ALK: variants seen among roughly 807,000 people sequenced by gnomAD.
ALK encodes ALK tyrosine kinase receptor.
In ALK, 74 loss-of-function variants were observed where a neutral mutation model predicts 163.1. That is an observed-to-expected ratio of 0.45 (90% CI 0.38 to 0.55). The LOEUF (loss-of-function observed/expected upper bound fraction) is 0.55. Ranked by LOEUF, ALK falls within the 20% of genes least tolerant of loss-of-function variation. ALK has a pLI of 0.00. For missense variants in ALK, 2,063 were observed against 2,105.3 expected (o/e 0.98, Z 0.39); for synonymous variants, 960 against 843.2 (o/e 1.14, Z -2.40).
intron 1 of ALK, among the ~76,000 whole-genome samples, chr2:29,882,645 G>T (rs985350838): frequency 6.6e-6 from 1 of 152,188 alleles, no homozygotes; most frequent in African/African-American, 2.4e-5. Flanking sequence ...AGGGAGCCGA[G>T]ATTGCGCCAC....
chr2:29,715,277 T>C (rs537956060), intron 2 of ALK, among the ~76,000 whole-genome samples: 1 of 152,236 alleles, frequency 6.6e-6, no homozygotes, highest in South Asian at 2.1e-4. Flanking sequence ...ACGATGGTGA[T>C]GACTTGGGTA....
At chr2:29,319,144 A>T (rs1666928171) in intron 7 of ALK, 1 of 152,250 alleles carries the variant, frequency 6.6e-6, no homozygotes, top group African/African-American at 2.4e-5. Flanking sequence ...TCTGCCTGAA[A>T]ATCTGGGAGA....
chr2:29,413,631 A>T (rs1485216478), intron 4 of ALK, among the ~76,000 whole-genome samples: 2 of 152,140 alleles, frequency 1.3e-5, no homozygotes, highest in African/African-American at 4.8e-5. Context: ...TCCCAGGTTC[A>T]AGCAAGTCTC....
intron 3 of ALK, among the ~76,000 whole-genome samples, chr2:29,639,354 A>C (rs984049710): frequency 6.6e-6 from 1 of 152,178 alleles, no homozygotes; most frequent in Non-Finnish European, 1.5e-5. Flanking sequence ...CCATGTCAGC[A>C]GGGCTCCTTC....
intron 3 of ALK, among the ~76,000 whole-genome samples, chr2:29,597,280 C>T (rs754911878): frequency 1.3e-5 from 2 of 152,216 alleles, no homozygotes; most frequent in Non-Finnish European, 2.9e-5. Context: ...CCTCACAAAT[C>T]AGGCTTCTCT....
At chr2:29,550,821 G>T (rs1430098539) in intron 3 of ALK, among the ~76,000 whole-genome samples, 1 of 151,772 alleles carries the variant, frequency 6.6e-6, no homozygotes, top group Non-Finnish European at 1.5e-5. Context: ...ATTCCATTTT[G>T]GTTTTTTATT....
Position 29,831,293 on chromosome 2 carries a change from G to T in ALK, c.667+88700C>A, listed in dbSNP as rs1260755423. ...AGAAGAAGAAGAAGAAGAAGAAGAAGAAGAAGAAGAAGAAGAAGAAGAAGA... is the reference window on the plus strand; with the variant it reads ...AGAAGAAGAAGAAGAAGAAGAAGAATAAGAAGAAGAAGAAGAAGAAGAAGA... On this transcript the variant is annotated intron_variant, in intron 1 of 28. Coordinates refer to ENST00000389048, the MANE Select transcript of ALK (RefSeq NM_004304.5). 3.5e-5 allele frequency among the ~76,000 whole-genome samples: 5 copies of T among 141,638 alleles called. 1 individual carries two copies. Among genetic ancestry groups the T allele is most frequent in the African/African-American group, 1.3e-4 (5 of 38,696 alleles). 92.9% of individuals were successfully genotyped at this position (141,638 alleles called of 152,430 possible).
intron 4 of ALK, among the ~76,000 whole-genome samples, chr2:29,448,093 C>T (rs192446337): frequency 2.0e-5 from 3 of 152,270 alleles, no homozygotes; most frequent in East Asian, 1.9e-4. Flanking sequence ...TTTCCTGTGG[C>T]GCTTGCTAAA....
At chr2:29,348,556 G>T (rs1229321979) in intron 5 of ALK, among the ~76,000 whole-genome samples, 1 of 152,216 alleles carries the variant, frequency 6.6e-6, no homozygotes, top group African/African-American at 2.4e-5. Context: ...GGCCATTTCA[G>T]TTAGCTAGTG....
chr2:29,467,402 C>T (rs1671239683), intron 4 of ALK, among the ~76,000 whole-genome samples: 1 of 152,200 alleles, frequency 6.6e-6, no homozygotes, highest in Non-Finnish European at 1.5e-5. Context: ...GCCCTCAGAG[C>T]CTGAAGCCTA....
chr2:29,198,029 G>A lies in ALK; in HGVS notation c.3939-353C>T, dbSNP rs1469265333. Among the ~76,000 whole-genome samples, 3 of 152,116 alleles carry A rather than the reference G, an allele frequency of 2.0e-5. No homozygotes were observed. In the East Asian group the frequency reaches 5.8e-4, roughly 29 times the overall value. ...CCATTTCATAAATAACATTTGGAAT[G>A]GCTAATGGCTGTAAAACATTCCATT... On this transcript the variant is annotated intron_variant, in intron 26 of 28. Transcript: ENST00000389048.
At chr2:29,373,498 C>T (rs1396804387) in intron 5 of ALK, among the ~76,000 whole-genome samples, 1 of 152,214 alleles carries the variant, frequency 6.6e-6, no homozygotes, top group African/African-American at 2.4e-5. Flanking sequence ...ATGACCTCGG[C>T]ACACTCATTC....
intron 1 of ALK, among the ~76,000 whole-genome samples, chr2:29,812,218 G>C (rs1664776644): frequency 6.6e-6 from 1 of 152,156 alleles, no homozygotes; most frequent in African/African-American, 2.4e-5. Context: ...CAAGCACACA[G>C]CATCTAAGCC....
chr2:29,645,650 C>T (rs1022569566), intron 3 of ALK, among the ~76,000 whole-genome samples: 10 of 152,180 alleles, frequency 6.6e-5, no homozygotes, highest in East Asian at 5.8e-4. Flanking sequence ...AGGCTTTTTC[C>T]GCCATCCTGT....
intron 28 of ALK, among the ~76,000 whole-genome samples, chr2:29,195,168 C>T (rs539369058): frequency 6.6e-6 from 1 of 152,276 alleles, no homozygotes; most frequent in African/African-American, 2.4e-5. Context: ...TTGTGTAAAA[C>T]TGCCTTTTAA....
chr2:29,852,170 G>A (rs1259418101), intron 1 of ALK, among the ~76,000 whole-genome samples: 1 of 152,196 alleles, frequency 6.6e-6, no homozygotes, highest in Non-Finnish European at 1.5e-5. Context: ...CACAGAGTTT[G>A]TTTCCTTGGA....
intron 4 of ALK, among the ~76,000 whole-genome samples, chr2:29,454,889 C>T (rs770538153): frequency 6.6e-6 from 1 of 152,112 alleles, no homozygotes; most frequent in Non-Finnish European, 1.5e-5. Flanking sequence ...AAGTTCTATA[C>T]TCCCTTAGTT....
intron 4 of ALK, among the ~76,000 whole-genome samples, chr2:29,405,405 A>G (rs1045815381): frequency 6.6e-6 from 1 of 152,184 alleles, no homozygotes; most frequent in African/African-American, 2.4e-5. Flanking sequence ...TCAGCTAAAA[A>G]GCACATGCAT....
chr2:29,682,102 G>T (rs1166306665), intron 3 of ALK, among the ~76,000 whole-genome samples: 1 of 152,192 alleles, frequency 6.6e-6, no homozygotes, highest in African/African-American at 2.4e-5. Flanking sequence ...CAATCTTGCT[G>T]GTTCTGCCTA....
Sources: gnomAD v4.1 joint callset for allele counts (sites outside exome capture counted in the v4.1 genomes callset) on GRCh38, gnomAD v4.1.1 for gene constraint, MANE v1.5 for transcripts, NCBI Gene and HGNC (gene_info 2026-07-23, HGNC 2026-07-21) for gene names.